JMY: variants seen among roughly 807,000 people sequenced by gnomAD.
JMY encodes the protein junction-mediating and -regulatory protein.
A neutral mutation model predicts 103.3 loss-of-function variants in JMY; 46 were observed. The observed-to-expected ratio is 0.45, with a 90% CI of 0.35 to 0.57. JMY has a LOEUF of 0.57. JMY is among the 20% of genes least tolerant of loss of function. JMY has a pLI of 0.00. For synonymous variants in JMY, 526 were observed against 489.3 expected (o/e 1.07, Z -0.99); for missense variants, 1,238 against 1,255.2 (o/e 0.99, Z 0.21).
intron 1 of JMY, among the ~76,000 whole-genome samples, chr5:79,271,537 T>C (rs182614619): frequency 6.6e-6 from 1 of 152,308 alleles, no homozygotes; most frequent in East Asian, 1.9e-4. Flanking sequence ...AGGGTATAGT[T>C]ATTGATTCAA....
chr5:79,318,794 AGAGAGAGAGG>A (rs1356331128), intron 10 of JMY, among the ~76,000 whole-genome samples: 160 of 21,228 alleles, frequency 7.5e-3, no homozygotes, highest in African/African-American at 0.05. Flanking sequence ...AGAGAGAGAG[AGAGAGAGAGG>A]GATGCATATC....
rs1358142798 is a variant in JMY at position 79,314,658 on chromosome 5, A to G, written c.2466A>G (p.Pro822=). 1.9e-6 allele frequency: 1 copy of G among 515,886 alleles called. No individual in the cohort carries two copies. The highest frequency in any genetic ancestry group is 7.6e-5 in the East Asian group (1 of 13,104). The allele number at this position is 515,886 out of a possible 1,614,324, so 32.0% of individuals were successfully genotyped here. A position where few individuals can be genotyped will look rare whatever the true frequency, so the allele number is the denominator to read the frequency against. The change falls in exon 9 of 11, where the codon CCA becomes CCG. Residue 822 remains proline (P), a synonymous_variant. Transcript: ENST00000396137. Reference sequence around the variant, plus strand: ...CCCCACCTCCTCCCCCTCCCCCACCACCACCACCTCTGCCTGTTGCTAAGG... The same window carrying G: ...CCCCACCTCCTCCCCCTCCCCCACCGCCACCACCTCTGCCTGTTGCTAAGG... ...PPPPPPPPPP[P]PPPLPVAKDS...
At chr5:79,316,992 G>C (rs1409062036) in intron 10 of JMY, among the ~76,000 whole-genome samples, 2 of 149,720 alleles carry the variant, frequency 1.3e-5, no homozygotes, top group Non-Finnish European at 3.0e-5. Context: ...AGGATCTCTT[G>C]AGCCCAGGCG....
intron 7 of JMY, among the ~76,000 whole-genome samples, chr5:79,312,009 G>T (rs1747062058): frequency 6.6e-6 from 1 of 151,968 alleles, no homozygotes; most frequent in South Asian, 2.1e-4. Flanking sequence ...TAGAGATAGG[G>T]TTTCACCATG....
At chr5:79,281,076 G>GC (rs1045626326) in intron 2 of JMY, among the ~76,000 whole-genome samples, 2 of 151,034 alleles carry the variant, frequency 1.3e-5, no homozygotes, top group Admixed American at 6.6e-5. Context: ...ACAGAGTCTC[G>GC]CTCTGTTGCC....
At position 79,265,833 on chromosome 5, in the gene JMY, T is replaced by C. The variant is rs190629206; in HGVS notation, c.1033-12077T>C. On this transcript the variant is annotated intron_variant, in intron 1 of 10. Coordinates refer to ENST00000396137, the MANE Select transcript of JMY (RefSeq NM_152405.5). ...AATTTCACTCTTGTCCAGGCTGGAG[T>C]GCAGTGGCACGATCTCGGCTCACTG... is the stretch of plus-strand genomic sequence containing the variant. 2.4e-3 allele frequency among the ~76,000 whole-genome samples: 350 copies of C among 147,298 alleles called. 3 individuals carry two copies. Among genetic ancestry groups the C allele is most frequent in the Non-Finnish European group, 3.5e-3 (236 of 67,472 alleles).
chr5:79,268,487 A>T (rs911716035), intron 1 of JMY, among the ~76,000 whole-genome samples: 1 of 151,508 alleles, frequency 6.6e-6, no homozygotes, highest in Non-Finnish European at 1.5e-5. Flanking sequence ...TTTTTTATTT[A>T]TTTATTTATT....
intron 10 of JMY, 144 bp from the exon 11 acceptor site, chr5:79,321,459 ATTT>A (rs1368651126): frequency 1.3e-5 from 2 of 152,108 alleles, no homozygotes; most frequent in East Asian, 1.9e-4. Context: ...TATTTAGATT[ATTT>A]TGTTTTCATT....
At chr5:79,268,242 C>CT (rs1204486694) in intron 1 of JMY, among the ~76,000 whole-genome samples, 5 of 152,232 alleles carry the variant, frequency 3.3e-5, no homozygotes, top group Admixed American at 1.3e-4. Context: ...TCCTGCCTGT[C>CT]TATCTCTCAG....
In JMY at chr5:79,291,312, A is replaced by G; in HGVS notation, c.1527+13A>G. ...ACTAAAGGAAGAGGTAACAAAAATCATCAGAAATATAAAATCAGAAAAAGT... is the reference window on the plus strand; with the variant it reads ...ACTAAAGGAAGAGGTAACAAAAATCGTCAGAAATATAAAATCAGAAAAAGT... On this transcript the variant is annotated intron_variant, in intron 4 of 10. Coordinates refer to ENST00000396137, the MANE Select transcript of JMY (RefSeq NM_152405.5). The G allele has an allele frequency of 6.6e-7, 1 of 1,524,734 alleles. No homozygotes were observed. Among genetic ancestry groups the G allele is most frequent in the Non-Finnish European group, 8.8e-7 (1 of 1,135,644 alleles). The allele number at this position is 1,524,734 out of a possible 1,614,324, so 94.5% of individuals were successfully genotyped here.
intron 1 of JMY, among the ~76,000 whole-genome samples, chr5:79,271,285 G>A (rs1414070209): frequency 6.6e-6 from 1 of 151,856 alleles, no homozygotes; most frequent in African/African-American, 2.4e-5. Context: ...TCCTCCCTAG[G>A]CTTTCCAAAG....
intron 7 of JMY, among the ~76,000 whole-genome samples, chr5:79,310,791 T>C (rs1353412229): frequency 6.6e-6 from 1 of 152,100 alleles, no homozygotes; most frequent in Non-Finnish European, 1.5e-5. Flanking sequence ...GAATTCTGTT[T>C]TCCCCATTAA....
chr5:79,236,578 G>C lies in JMY; in HGVS notation c.-73G>C. On this transcript the variant is annotated 5_prime_UTR_variant, in exon 1 of 11. Coordinates refer to ENST00000396137, the MANE Select transcript of JMY (RefSeq NM_152405.5). ...CCCGGCGAGGGTGAGCGGGGGGCGC[G>C]GCGCAGCCAGCGGGGAGTCCTCGGG... The C allele has an allele frequency of 8.3e-7, 1 of 1,202,906 alleles. No individual in the cohort carries two copies. Among genetic ancestry groups the C allele is most frequent in the Non-Finnish European group, 1.1e-6 (1 of 937,398 alleles). The allele number at this position is 1,202,906 out of a possible 1,614,324, so 74.5% of individuals were successfully genotyped here. A position where few individuals can be genotyped will look rare whatever the true frequency, so the allele number is the denominator to read the frequency against.
intron 7 of JMY, among the ~76,000 whole-genome samples, chr5:79,308,976 G>A (rs759035604): frequency 3.8e-4 from 58 of 151,998 alleles, no homozygotes; most frequent in Non-Finnish European, 6.8e-4. Context: ...ATAGTATTAT[G>A]TTTTTAATTG....
Position 79,237,081 on chromosome 5 carries a change from T to G in JMY, c.431T>G (p.Val144Gly), listed in dbSNP as rs1580319452. 1.3e-6 allele frequency: 2 copies of G among 1,543,636 alleles called. No homozygotes were observed. Among genetic ancestry groups the G allele is most frequent in the Admixed American group, 3.9e-5 (2 of 50,698 alleles). The change falls in exon 1 of 11, where the codon GTG becomes GGG. Residue 144 changes from valine (V) to glycine (G), a missense_variant. Transcript: ENST00000396137. ...GCGGAGAGTCGTCTTAGGAGCCCAG[T>G]GCGGGCCAAACCCATCCCGGGTCAG... Reference protein sequence around the residue: ...KGAESRLRSPVRAKPIPGQKT... With the variant: ...KGAESRLRSPGRAKPIPGQKT...
At chr5:79,255,098 T>G (rs1745199553) in intron 1 of JMY, among the ~76,000 whole-genome samples, 2 of 151,112 alleles carry the variant, frequency 1.3e-5, no homozygotes, top group Non-Finnish European at 2.9e-5. Flanking sequence ...CTTTGAATTC[T>G]CTGTCTGAAA....
At chr5:79,267,481 T>TATA (rs201506933) in intron 1 of JMY, among the ~76,000 whole-genome samples, 1 of 152,078 alleles carries the variant, frequency 6.6e-6, no homozygotes, top group Non-Finnish European at 1.5e-5. Flanking sequence ...GTTGGAATCA[T>TATA]ATATAGCCTT....
chr5:79,282,423 C>T (rs1298749082), intron 2 of JMY, among the ~76,000 whole-genome samples: 1 of 151,990 alleles, frequency 6.6e-6, no homozygotes, highest in Non-Finnish European at 1.5e-5. Context: ...AAAATGTTGC[C>T]TTTTGTAGGC....
At chr5:79,319,574 C>T (rs148277945) in intron 10 of JMY, among the ~76,000 whole-genome samples, 1,017 of 94,260 alleles carry the variant, frequency 0.011, 9 homozygotes, top group African/African-American at 0.031. Flanking sequence ...TTTTTTTTTT[C>T]TCTCTCTCTT....
Sources: allele counts gnomAD v4.1 joint callset (sites outside exome capture counted in the v4.1 genomes callset), GRCh38; gene constraint gnomAD v4.1.1; transcripts MANE v1.5; gene names NCBI Gene and HGNC (gene_info 2026-07-23, HGNC 2026-07-21).